ZNF451: variants seen among roughly 807,000 people sequenced by gnomAD.
ZNF451 encodes zinc finger protein 451.
A neutral mutation model predicts 107.1 loss-of-function variants in ZNF451; 80 were observed. The ratio of observed to expected loss-of-function variants is 0.75; its 90% CI spans 0.62 to 0.90. The LOEUF is 0.90. ZNF451 is among the 40% of genes least tolerant of loss of function. ZNF451 has a pLI of 0.00. For missense variants in ZNF451, 1,107 were observed against 1,236.2 expected (o/e 0.90, Z 1.57); for synonymous variants, 362 against 406.5 (o/e 0.89, Z 1.32).
In ZNF451 at chr6:57,141,962, G is replaced by A. The variant is rs1831786167; in HGVS notation, c.871G>A (p.Ala291Thr). ...SFKLGDNKGIAHPISFPSFAK... is the reference protein window; with the variant it reads ...SFKLGDNKGITHPISFPSFAK... ...TTGTCTTTCAGATAACAAAGGAATT[G>A]CACATCCAATATCTTTCCCATCTTT... is the stretch of plus-strand genomic sequence containing the variant. Residue 291 changes from alanine (A) to threonine (T), a missense_variant, in exon 9 of 15, where the codon GCA becomes ACA. By Grantham distance (58) the Ala-to-Thr change is moderately conservative. Coordinates refer to ENST00000370706, the MANE Select transcript of ZNF451 (RefSeq NM_001031623.3). 6.2e-7 allele frequency: 1 copy of A among 1,613,438 alleles called. No homozygotes were observed. Among genetic ancestry groups the A allele is most frequent in the Middle Eastern group, 1.7e-4 (1 of 6,058 alleles).
At position 57,128,848 on chromosome 6, in the gene ZNF451, T is replaced by A. The variant is rs751022523; in HGVS notation, c.424+8T>A. On this transcript the variant is annotated splice_region_variant and intron_variant, in intron 5 of 14. Coordinates refer to ENST00000370706, the MANE Select transcript of ZNF451 (RefSeq NM_001031623.3). ...AGTGGCTAAAAATGCCAGGTATTCT[T>A]TAGAAATTACACTAAGGTTACCTAG... 7.5e-6 allele frequency: 12 copies of A among 1,600,424 alleles called. No individual in the cohort carries two copies. The highest frequency in any genetic ancestry group is 1.0e-5 in the Non-Finnish European group (12 of 1,172,086).
In ZNF451 at chr6:57,134,857, AC is replaced by A; in HGVS notation, c.691del (p.Leu231PhefsTer74). ...KFVTQQQYRD[H>X]LFDKEATDDG... is the part of the protein sequence containing the mutation. ...GTTACTCAACAACAATATAGAGATC[AC>A]CTTTTTGATAAGGTAAGAGCATGTC... On this transcript the variant is annotated frameshift_variant, in exon 7 of 15. Coordinates refer to ENST00000370706, the MANE Select transcript of ZNF451 (RefSeq NM_001031623.3). LOFTEE classifies it high-confidence loss of function. The A allele has an allele frequency of 6.2e-7, 1 of 1,606,902 alleles. No individual in the cohort carries two copies. Among genetic ancestry groups the A allele is most frequent in the African/African-American group, 1.3e-5 (1 of 74,862 alleles).
intron 13 of ZNF451, among the ~76,000 whole-genome samples, chr6:57,156,368 T>G (rs2127985109): frequency 6.6e-6 from 1 of 152,298 alleles, no homozygotes; most frequent in African/African-American, 2.4e-5. Flanking sequence ...TGTGAATAGT[T>G]GAGTAATAGT....
At chr6:57,103,227 G>A (rs1829691081) in intron 3 of ZNF451, 10 of 985,280 alleles carry the variant, frequency 1.0e-5, no homozygotes, top group Non-Finnish European at 1.2e-5. Context: ...ATTTTATTGA[G>A]AATCCTTAAG....
intron 3 of ZNF451, among the ~76,000 whole-genome samples, chr6:57,112,662 C>A (rs1830166285): frequency 6.6e-6 from 1 of 152,126 alleles, no homozygotes; most frequent in Non-Finnish European, 1.5e-5. Context: ...TTGTTGTGAT[C>A]ACTTCTCTGG....
intron 14 of ZNF451, 50 bp from the exon 15 acceptor site, chr6:57,168,373 A>G: frequency 7.9e-7 from 1 of 1,266,966 alleles, no homozygotes; most frequent in Non-Finnish European, 1.1e-6. Context: ...AATACAGCAC[A>G]TGTTGAGTTT....
chr6:57,133,223 G>A, intron 6 of ZNF451, 31 bp downstream of exon 6: 1 of 1,594,354 alleles, frequency 6.3e-7, no homozygotes, highest in African/African-American at 1.3e-5. Context: ...AGTGAATGCT[G>A]AAGATCTAGT....
intron 10 of ZNF451, among the ~76,000 whole-genome samples, chr6:57,149,520 C>T: frequency 6.6e-6 from 1 of 152,118 alleles, no homozygotes; most frequent in Non-Finnish European, 1.5e-5. Context: ...GTTGGGATTA[C>T]AGGTGTGAGC....
At chr6:57,144,669 C>G (rs1831971106) in intron 9 of ZNF451, among the ~76,000 whole-genome samples, 1 of 152,094 alleles carries the variant, frequency 6.6e-6, no homozygotes, top group African/African-American at 2.4e-5. Flanking sequence ...TGGCTCACAC[C>G]TGTAATCCTA....
At chr6:57,145,862 T>C (rs1832039265) in intron 9 of ZNF451, among the ~76,000 whole-genome samples, 1 of 152,204 alleles carries the variant, frequency 6.6e-6, no homozygotes, top group Non-Finnish European at 1.5e-5. Flanking sequence ...TTTAGTTTTT[T>C]AAGAAAGCTC....
At chr6:57,132,735 T>C (rs1831241687) in intron 5 of ZNF451, among the ~76,000 whole-genome samples, 1 of 151,962 alleles carries the variant, frequency 6.6e-6, no homozygotes, top group African/African-American at 2.4e-5. Flanking sequence ...GAGCTGGGCA[T>C]GGTGGCGTGC....
intron 3 of ZNF451, chr6:57,107,224 A>G (rs999607190): frequency 1.2e-5 from 12 of 985,348 alleles, no homozygotes; most frequent in Non-Finnish European, 1.4e-5. Context: ...CCTGTATTCA[A>G]CACCTCTTTC....
chr6:57,134,269 G>A (rs1407500569), intron 6 of ZNF451: 1 of 154,056 alleles, frequency 6.5e-6, no homozygotes, highest in African/African-American at 2.4e-5. Flanking sequence ...TAGCTAAAGT[G>A]CTCCAGGCAG....
At chr6:57,151,203 GA>G (rs984604352) in intron 11 of ZNF451, 81 of 154,696 alleles carry the variant, frequency 5.2e-4, no homozygotes, top group Middle Eastern at 3.1e-3. Flanking sequence ...CTACTAAAAA[GA>G]AAAAAAAAAT....
In ZNF451 at chr6:57,090,244, C is replaced by G. The variant is rs769195989; in HGVS notation, c.-10C>G. 48 of 1,610,648 alleles carry G rather than the reference C, an allele frequency of 3.0e-5. No individual in the cohort carries two copies. The African/African-American group carries it at 6.3e-4, about 21-fold the overall frequency. ...GGAGCAGTGGTGCTGTCAGCGCGGC[C>G]GTCGGAGACATGGGAGACCCGGGGT... On this transcript the variant is annotated 5_prime_UTR_variant, in exon 1 of 15. Coordinates refer to ENST00000370706, the MANE Select transcript of ZNF451 (RefSeq NM_001031623.3).
intron 7 of ZNF451, among the ~76,000 whole-genome samples, chr6:57,137,440 A>G (rs1831489557): frequency 6.6e-6 from 1 of 152,172 alleles, no homozygotes; most frequent in Non-Finnish European, 1.5e-5. Flanking sequence ...GTTAAAATGC[A>G]GATTCTGACT....
chr6:57,100,828 A>G lies in ZNF451; in HGVS notation c.186+1687A>G, dbSNP rs1300787181. 5 of 1,548,094 alleles carry G rather than the reference A, an allele frequency of 3.2e-6. No homozygotes were observed. In the East Asian group the frequency reaches 9.8e-5, roughly 30 times the overall value. On this transcript the variant is annotated intron_variant, in intron 3 of 14. Coordinates refer to ENST00000370706, the MANE Select transcript of ZNF451 (RefSeq NM_001031623.3). ...TAAGATCTCTGAGACAGAGACCCTT[A>G]AATCATCACAGAATTTTCAGACTCT...
rs748998879 is a variant in ZNF451 at position 57,152,315 on chromosome 6, A to G, written c.2847A>G (p.Lys949=). The stretch of plus-strand genomic sequence containing the variant: ...TCTTCCTTCATCCTCGCTGTAGTAA[A>G]AGAAAAGATGCTGCTGATTTTGCCA... The part of the protein sequence containing the change: ...GCFFLHPRCS[K]RKDAADFAIC... The change falls in exon 12 of 15, where the codon AAA becomes AAG. Residue 949 remains lysine (K), a synonymous_variant. Coordinates refer to ENST00000370706, the MANE Select transcript of ZNF451 (RefSeq NM_001031623.3). 2 of 1,614,114 alleles carry G rather than the reference A, an allele frequency of 1.2e-6. No homozygotes were observed. The highest frequency in any genetic ancestry group is 8.5e-7 in the Non-Finnish European group (1 of 1,180,004).
Position 57,124,366 on chromosome 6 carries a change from G to A in ZNF451, c.187-368G>A, listed in dbSNP as rs1412116525. On this transcript the variant is annotated intron_variant, in intron 3 of 14. Transcript: ENST00000370706. ...TAGTTTCCTATGGAGGTTCCTGCTA[G>A]AAGGTTTCTGCTTTAGTAAGTCGAT... 4 of 705,868 alleles carry A rather than the reference G, an allele frequency of 5.7e-6. No individual in the cohort carries two copies. In the East Asian group the frequency reaches 1.1e-4, roughly 19 times the overall value. The allele number at this position is 705,868 out of a possible 1,614,324, so 43.7% of individuals were successfully genotyped here.
Sources: allele counts gnomAD v4.1 joint callset (sites outside exome capture counted in the v4.1 genomes callset), GRCh38; gene constraint gnomAD v4.1.1; transcripts MANE v1.5; gene names NCBI Gene and HGNC (gene_info 2026-07-23, HGNC 2026-07-21).